NFX1: variants seen among roughly 807,000 people sequenced by gnomAD.
NFX1 encodes transcriptional repressor NF-X1.
Under a neutral mutation model 137.2 loss-of-function variants are expected in NFX1, and 69 were observed. The ratio of observed to expected loss-of-function variants is 0.50; its 90% CI spans 0.41 to 0.61. NFX1 has a LOEUF of 0.61. NFX1 is among the 20% of genes least tolerant of loss of function. The pLI is 0.00. For synonymous variants in NFX1, 495 were observed against 474.1 expected, an observed-to-expected ratio of 1.04 and a Z score of -0.57; for missense variants, 1,167 against 1,391.0, an observed-to-expected ratio of 0.84 and a Z score of 2.56.
intron 6 of NFX1, among the ~76,000 whole-genome samples, chr9:33,311,547 A>C (rs1346698084): frequency 6.6e-6 from 1 of 151,540 alleles, no homozygotes; most frequent in Non-Finnish European, 1.5e-5. Flanking sequence ...AAAATACCAA[A>C]GTGACAAGGA....
At chr9:33,343,648 G>A (rs1823306628) in intron 13 of NFX1, among the ~76,000 whole-genome samples, 1 of 152,122 alleles carries the variant, frequency 6.6e-6, no homozygotes, top group South Asian at 2.1e-4. Context: ...GGACTTTCTT[G>A]TACTTTGAAT....
At chr9:33,358,647 ATTTTTTTTTTTTTTT>A (rs61589629) in intron 19 of NFX1, among the ~76,000 whole-genome samples, 2 of 48,472 alleles carry the variant, frequency 4.1e-5, no homozygotes, top group South Asian at 1.1e-3. Context: ...GAATGGCTTG[ATTTTTTTTTTTTTTT>A]TTTTTTTTTT....
chr9:33,352,724 G>C lies in NFX1; in HGVS notation c.2729+5G>C, dbSNP rs199614941. The C allele has an allele frequency of 9.9e-6, 16 of 1,612,466 alleles. No individual in the cohort carries two copies. The highest frequency in any genetic ancestry group is 1.3e-5 in the Non-Finnish European group (15 of 1,178,526). Reference sequence around the variant, plus strand: ...AGCATCTAGTACTTATCAAAGGTTAGTGTTACTTAAATGTTAACAACTGAT... The same window carrying C: ...AGCATCTAGTACTTATCAAAGGTTACTGTTACTTAAATGTTAACAACTGAT... On this transcript the variant is annotated splice_donor_5th_base_variant and intron_variant, in intron 17 of 23. Coordinates refer to ENST00000379540, the MANE Select transcript of NFX1 (RefSeq NM_002504.6).
At chr9:33,314,428 G>A (rs1822079606) in intron 7 of NFX1, among the ~76,000 whole-genome samples, 1 of 151,962 alleles carries the variant, frequency 6.6e-6, no homozygotes, top group Admixed American at 6.6e-5. Context: ...TGTAATCCCA[G>A]CACTTTGAGA....
At chr9:33,329,709 A>T (rs1052991719) in intron 10 of NFX1, among the ~76,000 whole-genome samples, 2 of 151,440 alleles carry the variant, frequency 1.3e-5, no homozygotes, top group Admixed American at 1.3e-4. Context: ...CCCAGGATGG[A>T]GTGCAGAGGC....
At chr9:33,366,603 A>G (rs746943126) in intron 21 of NFX1, 26 bp from the exon 22 acceptor site, 20 of 1,612,240 alleles carry the variant, frequency 1.2e-5, no homozygotes, top group East Asian at 8.9e-5. Context: ...GATATGATCA[A>G]TCAGTCATCT....
chr9:33,351,964 TTGGTA>T, intron 16 of NFX1, 174 bp downstream of exon 16: 1 of 586,906 alleles, frequency 1.7e-6, no homozygotes. Flanking sequence ...CCTGCCCAAC[TTGGTA>T]TGGCCTTTTG....
intron 2 of NFX1, among the ~76,000 whole-genome samples, chr9:33,297,927 C>A (rs1821416449): frequency 6.6e-6 from 1 of 152,216 alleles, no homozygotes; most frequent in African/African-American, 2.4e-5. Context: ...AGGTGGGAAT[C>A]TGGAAGACCA....
chr9:33,298,710 G>C (rs1477558425), intron 2 of NFX1, among the ~76,000 whole-genome samples: 3 of 152,322 alleles, frequency 2.0e-5, no homozygotes, highest in African/African-American at 7.2e-5. Context: ...CTTGAGCCCA[G>C]TGGGTCAAGG....
Position 33,352,638 on chromosome 9 carries a change from GACTTCAGGTAGAGCT to G in NFX1, c.2656-5_2665del. 1 of 1,613,934 alleles carries G rather than the reference GACTTCAGGTAGAGCT, an allele frequency of 6.2e-7. No homozygotes were observed. Among genetic ancestry groups the G allele is most frequent in the East Asian group, 2.2e-5 (1 of 44,892 alleles). On this transcript the variant is annotated splice_acceptor_variant and splice_polypyrimidine_tract_variant and coding_sequence_variant and intron_variant, in exon 17 of 24. Transcript: ENST00000379540. LOFTEE classifies it high-confidence loss of function. The stretch of plus-strand genomic sequence containing the variant: ...GCTAAAAGTCGTTCCATGTTCATCT[GACTTCAGGTAGAGCT>G]ACAGTGTGAATGTGGACGAAGAAAA...
At chr9:33,317,707 G>C (rs922240317) in intron 7 of NFX1, among the ~76,000 whole-genome samples, 1 of 151,614 alleles carries the variant, frequency 6.6e-6, no homozygotes, top group Non-Finnish European at 1.5e-5. Flanking sequence ...CGGGCGTGGT[G>C]GCTCACGCCT....
At chr9:33,339,401 T>C (rs750629696) in intron 12 of NFX1, among the ~76,000 whole-genome samples, 2 of 152,130 alleles carry the variant, frequency 1.3e-5, no homozygotes, top group Non-Finnish European at 2.9e-5. Flanking sequence ...ATGAGACTTA[T>C]TCACTATCAC....
chr9:33,364,860 A>C, intron 21 of NFX1, 86 bp downstream of exon 21: 1 of 1,556,826 alleles, frequency 6.4e-7, no homozygotes, highest in Non-Finnish European at 8.7e-7. Flanking sequence ...AAACACTTTC[A>C]ACCTAGAGTA....
intron 19 of NFX1, among the ~76,000 whole-genome samples, chr9:33,363,262 TGTA>T (rs1824064022): frequency 1.5e-5 from 2 of 131,430 alleles, no homozygotes; most frequent in Non-Finnish European, 3.1e-5. Flanking sequence ...AATAAAGAAA[TGTA>T]TTATTATTAT....
intron 7 of NFX1, among the ~76,000 whole-genome samples, chr9:33,314,489 C>A (rs1324365586): frequency 6.6e-6 from 1 of 151,816 alleles, no homozygotes; most frequent in Non-Finnish European, 1.5e-5. Context: ...CCAGCCTGGC[C>A]AGCATGGTGA....
At chr9:33,298,853 G>A (rs1192350796) in intron 2 of NFX1, among the ~76,000 whole-genome samples, 1 of 152,142 alleles carries the variant, frequency 6.6e-6, no homozygotes, top group Non-Finnish European at 1.5e-5. Flanking sequence ...CAAGTTAGGA[G>A]GCTATTGCAG....
intron 7 of NFX1, among the ~76,000 whole-genome samples, chr9:33,316,330 C>G (rs1042298504): frequency 6.9e-6 from 1 of 145,738 alleles, no homozygotes; most frequent in Non-Finnish European, 1.5e-5. Flanking sequence ...TTTTTTGGAT[C>G]TCGTTCTGTC....
intron 14 of NFX1, among the ~76,000 whole-genome samples, chr9:33,345,136 T>C (rs2118594720): frequency 6.6e-6 from 1 of 151,014 alleles, no homozygotes; most frequent in Non-Finnish European, 1.5e-5. Context: ...CACTTCAGCC[T>C]GGGCAACAGA....
At chr9:33,344,713 A>G (rs1823350055) in intron 14 of NFX1, among the ~76,000 whole-genome samples, 1 of 152,072 alleles carries the variant, frequency 6.6e-6, no homozygotes, top group Admixed American at 6.6e-5. Context: ...TAAAAATACA[A>G]AAATTAGCTG....
Sources: gnomAD v4.1 joint callset for allele counts (sites outside exome capture counted in the v4.1 genomes callset) on GRCh38, gnomAD v4.1.1 for gene constraint, MANE v1.5 for transcripts, NCBI Gene and HGNC (gene_info 2026-07-23, HGNC 2026-07-21) for gene names.